Variants in SCN3A observed in about 807,000 individuals in gnomAD.
SCN3A encodes sodium voltage-gated channel alpha subunit 3.
A neutral mutation model predicts 187.6 loss-of-function variants in SCN3A; 60 were observed. The ratio of observed to expected loss-of-function variants is 0.32; its 90% confidence interval spans 0.26 to 0.40. The LOEUF (loss-of-function observed/expected upper bound fraction) is 0.40. Among genes scored for constraint, SCN3A ranks in the 10% least tolerant of loss-of-function variants. SCN3A has a pLI of 1.00. For missense variants in SCN3A, 1,601 were observed against 2,428.2 expected, an observed-to-expected ratio of 0.66 and a Z score of 7.16; for synonymous variants, 788 against 829.2, an observed-to-expected ratio of 0.95 and a Z score of 0.85.
chr2:165,139,032 A>G (rs536395431), intron 14 of SCN3A, among the ~76,000 whole-genome samples: 1 of 152,254 alleles, frequency 6.6e-6, no homozygotes, highest in African/African-American at 2.4e-5. Context: ...CTTTTGTAGG[A>G]TCTCTCTTGC....
At chr2:165,094,265 G>T in intron 26 of SCN3A, 109 bp downstream of exon 26, 1 of 840,088 alleles carries the variant, frequency 1.2e-6, no homozygotes. Context: ...TTTATAATTA[G>T]GGCTCAATAT....
At chr2:165,167,454 G>C (rs946401046) in intron 5 of SCN3A, among the ~76,000 whole-genome samples, 1 of 151,866 alleles carries the variant, frequency 6.6e-6, no homozygotes, top group African/African-American at 2.4e-5. Flanking sequence ...CTATAAAAAC[G>C]GAACTAAAAG....
chr2:165,130,256 T>C lies in SCN3A; in HGVS notation c.2606A>G (p.Asn869Ser), dbSNP rs139866701. ...ATTGCCAATGATCTTAATTAGCATATTTAGTGTGGGCCAGGATTTTGCCAA... is the reference window on the plus strand; with the variant it reads ...ATTGCCAATGATCTTAATTAGCATACTTAGTGTGGGCCAGGATTTTGCCAA... ...FKLAKSWPTL[N>S]MLIKIIGNSV... The change falls in exon 17 of 28, where the codon AAT (asparagine) becomes AGT (serine). Residue 869 changes from asparagine to serine, a missense_variant. Around this residue, in one of 11 missense-constraint regions of SCN3A, gnomAD observed 91 missense variants for 207.0 expected, o/e 0.44. Coordinates refer to ENST00000283254, the MANE Select transcript of SCN3A (RefSeq NM_006922.4). 2.5e-6 allele frequency: 4 copies of C among 1,614,030 alleles called. No individual in the cohort carries two copies. In the African/African-American group the frequency reaches 4.0e-5, roughly 16 times the overall value.
In SCN3A at chr2:165,163,711, T is replaced by C. The variant is rs372355385; in HGVS notation, c.603-2A>G. ...AGGTCCACAAACTCTGTCACATATC[T>C]GTAATAGGGGAGTTCACACACAAAC... is the stretch of plus-strand genomic sequence containing the variant. On this transcript the variant is annotated splice_acceptor_variant, in intron 6 of 27. Transcript: ENST00000283254. LOFTEE classifies it high-confidence loss of function. 1 of 1,614,026 alleles carries C rather than the reference T, an allele frequency of 6.2e-7. No individual in the cohort carries two copies. The highest frequency in any genetic ancestry group is 8.5e-7 in the Non-Finnish European group (1 of 1,179,962).
chr2:165,176,201 T>C lies in SCN3A; in HGVS notation c.194A>G (p.Tyr65Cys). 1.9e-6 allele frequency: 3 copies of C among 1,614,132 alleles called. No homozygotes were observed. Among genetic ancestry groups the C allele is most frequent in the Non-Finnish European group, 2.5e-6 (3 of 1,179,972 alleles). The change falls in exon 3 of 28, where the codon TAT (tyrosine) becomes TGT (cysteine). Residue 65 changes from tyrosine (Y) to cysteine (C), a missense_variant. Tyr to Cys is a radical substitution (Grantham distance 194, BLOSUM62 -2). Coordinates refer to ENST00000283254, the MANE Select transcript of SCN3A (RefSeq NM_006922.4). Reference sequence around the variant, plus strand: ...CACCATCTCTGGAGGAATGTCTCCATAAATAAATGGAAGGTTCTTTCCAGC... The same window carrying C: ...CACCATCTCTGGAGGAATGTCTCCACAAATAAATGGAAGGTTCTTTCCAGC... ...LEAGKNLPFI[Y>C]GDIPPEMVSE...
chr2:165,127,524 T>G (rs2105761213), intron 18 of SCN3A, 107 bp downstream of exon 18: 2 of 864,520 alleles, frequency 2.3e-6, no homozygotes, highest in Admixed American at 2.0e-5. Context: ...ACATATGACT[T>G]TCAATATTGC....
intron 12 of SCN3A, 31 bp from the exon 13 acceptor site, chr2:165,141,029 G>T: frequency 6.7e-7 from 1 of 1,491,934 alleles, no homozygotes; most frequent in Non-Finnish European, 9.3e-7. Flanking sequence ...AAAGGAATGG[G>T]ATGGGGGTAG....
Position 165,152,388 on chromosome 2 carries a change from A to G in SCN3A, c.1380+2064T>C, listed in dbSNP as rs532917661. 4.6e-5 allele frequency among the ~76,000 whole-genome samples: 7 copies of G among 152,330 alleles called. No homozygotes were observed. The South Asian group carries it at 1.2e-3, about 27-fold the overall frequency. Reference sequence around the variant, plus strand: ...ATGTTTCAGATGACAAATACACTGGATGAAATTAGCGGCAGATTAAATGTT... The same window carrying G: ...ATGTTTCAGATGACAAATACACTGGGTGAAATTAGCGGCAGATTAAATGTT... On this transcript the variant is annotated intron_variant, in intron 11 of 27. Transcript: ENST00000283254.
chr2:165,162,296 T>G lies in SCN3A; in HGVS notation c.1031+12A>C. ...GAGTTCTATATCTTAAAAAATATAT[T>G]ATGTTTCTTACCCTGCATCTGAGCC... is the stretch of plus-strand genomic sequence containing the variant. On this transcript the variant is annotated intron_variant, in intron 9 of 27. Coordinates refer to ENST00000283254, the MANE Select transcript of SCN3A (RefSeq NM_006922.4). 6.2e-7 allele frequency: 1 copy of G among 1,608,510 alleles called. No individual in the cohort carries two copies.
intron 5 of SCN3A, among the ~76,000 whole-genome samples, chr2:165,165,582 C>A (rs1164485883): frequency 6.6e-6 from 1 of 151,908 alleles, no homozygotes; most frequent in African/African-American, 2.4e-5. Flanking sequence ...GTTTTTTTCC[C>A]AAAATAGTTG....
intron 3 of SCN3A, among the ~76,000 whole-genome samples, chr2:165,174,459 G>A (rs1283835625): frequency 2.0e-5 from 3 of 152,148 alleles, no homozygotes; most frequent in African/African-American, 4.8e-5. Flanking sequence ...GGAAGAAAAT[G>A]CTTTCAGTGC....
intron 11 of SCN3A, 32 bp from the exon 12 acceptor site, chr2:165,147,061 A>G (rs769803451): frequency 1.2e-6 from 2 of 1,613,218 alleles, no homozygotes; most frequent in South Asian, 2.2e-5. Context: ...CACTATTTAG[A>G]ACACAGAGCT....
intron 10 of SCN3A, 82 bp downstream of exon 10, chr2:165,155,680 T>G (rs1233412451): frequency 1.0e-4 from 160 of 1,525,194 alleles, no homozygotes; most frequent in Non-Finnish European, 1.2e-4. Flanking sequence ...GTTACAGGCA[T>G]GAGCCACCAC....
intron 3 of SCN3A, among the ~76,000 whole-genome samples, chr2:165,171,404 C>T (rs973826192): frequency 6.6e-6 from 1 of 151,942 alleles, no homozygotes; most frequent in Non-Finnish European, 1.5e-5. Context: ...GAAATGTCTC[C>T]ACAACACATT....
chr2:165,142,900 C>T (rs990228093), intron 12 of SCN3A, among the ~76,000 whole-genome samples: 6 of 151,834 alleles, frequency 4.0e-5, no homozygotes, highest in African/African-American at 9.7e-5. Flanking sequence ...TAGAGGTGCC[C>T]GCCACCACAC....
At chr2:165,160,995 T>A in intron 9 of SCN3A, among the ~76,000 whole-genome samples, 1 of 152,164 alleles carries the variant, frequency 6.6e-6, no homozygotes, top group East Asian at 1.9e-4. Context: ...TGATCATAGC[T>A]CACTGTGGCT....
intron 1 of SCN3A, among the ~76,000 whole-genome samples, chr2:165,191,813 T>C (rs1257158514): frequency 6.6e-6 from 1 of 152,202 alleles, no homozygotes; most frequent in Non-Finnish European, 1.5e-5. Flanking sequence ...TTTTGGGGTC[T>C]ATTTTCACCA....
At chr2:165,192,285 TTGAAGAC>T (rs2105972388) in intron 1 of SCN3A, among the ~76,000 whole-genome samples, 1 of 152,180 alleles carries the variant, frequency 6.6e-6, no homozygotes, top group Admixed American at 6.6e-5. Flanking sequence ...ACAAAGCAAA[TTGAAGAC>T]TGAATACTTT....
chr2:165,156,462 G>A (rs1283518624), intron 9 of SCN3A, among the ~76,000 whole-genome samples: 1 of 124,202 alleles, frequency 8.1e-6, no homozygotes, highest in Non-Finnish European at 1.6e-5. Flanking sequence ...GCAGTGAGCC[G>A]ATATTGTGCC....
Sources: gnomAD v4.1 joint callset for allele counts (sites outside exome capture counted in the v4.1 genomes callset) on GRCh38, gnomAD v4.1.1 for gene constraint, gnomAD v4.1.1 regional missense constraint, MANE v1.5 for transcripts, NCBI Gene and HGNC (gene_info 2026-07-23, HGNC 2026-07-21) for gene names.